Variants in COG4 observed in about 807,000 individuals in gnomAD.
COG4 encodes conserved oligomeric Golgi complex subunit 4.
Under a neutral mutation model 95.1 loss-of-function variants are expected in COG4, and 65 were observed. The observed-to-expected ratio is 0.68, with a 90% CI of 0.56 to 0.84. The LOEUF is 0.84. Among genes scored for constraint, COG4 ranks in the 40% least tolerant of loss-of-function variants. The pLI, the probability that COG4 is intolerant of heterozygous loss-of-function variation, is 0.00. For missense variants in COG4, 1,045 were observed against 989.1 expected (o/e 1.06, Z -0.76); for synonymous variants, 421 against 374.8 (o/e 1.12, Z -1.42).
chr16:70,510,709 T>C (rs2049683143), intron 5 of COG4, among the ~76,000 whole-genome samples: 1 of 152,114 alleles, frequency 6.6e-6, no homozygotes, highest in African/African-American at 2.4e-5. Context: ...GTAGAAGCCA[T>C]TTCTAGGTCC....
intron 11 of COG4, 87 bp from the exon 12 acceptor site, chr16:70,496,518 C>A: frequency 7.4e-7 from 1 of 1,347,724 alleles, no homozygotes; most frequent in African/African-American, 1.4e-5. Flanking sequence ...TCTGACCCAG[C>A]AGCACAAGGT....
At chr16:70,486,345 G>A (rs1263266670) in intron 13 of COG4, among the ~76,000 whole-genome samples, 1 of 152,182 alleles carries the variant, frequency 6.6e-6, no homozygotes, top group Non-Finnish European at 1.5e-5. Flanking sequence ...CTCCAGAGGG[G>A]AAGCAGAGTG....
chr16:70,481,513 C>G (rs780560866), intron 17 of COG4, 26 bp from the exon 18 acceptor site: 101 of 1,610,116 alleles, frequency 6.3e-5, no homozygotes, highest in Non-Finnish European at 8.4e-5. Flanking sequence ...AGCCCAGTCA[C>G]TACTTAGGCC....
At chr16:70,508,502 C>A in intron 7 of COG4, 38 bp from the exon 8 acceptor site, 14 of 1,572,694 alleles carry the variant, frequency 8.9e-6, no homozygotes, top group Non-Finnish European at 1.2e-5. Flanking sequence ...TTCTTCCCCA[C>A]CCCCACATCT....
chr16:70,485,399 T>A (rs1209482663), intron 13 of COG4, among the ~76,000 whole-genome samples: 1 of 151,546 alleles, frequency 6.6e-6, no homozygotes, highest in East Asian at 1.9e-4. Flanking sequence ...AGACAGGGTT[T>A]CACCATGTTG....
At chr16:70,508,164 C>T (rs1187338616) in intron 8 of COG4, among the ~76,000 whole-genome samples, 1 of 152,136 alleles carries the variant, frequency 6.6e-6, no homozygotes, top group African/African-American at 2.4e-5. Flanking sequence ...TGTGATCCGC[C>T]TGCCTTGGTC....
intron 7 of COG4, 47 bp downstream of exon 7, chr16:70,509,184 C>T: frequency 6.2e-7 from 1 of 1,611,672 alleles, no homozygotes; most frequent in South Asian, 1.1e-5. Flanking sequence ...CTCAGTGTTC[C>T]TCGCTAAAGC....
intron 7 of COG4, 101 bp from the exon 8 acceptor site, chr16:70,508,565 T>G (rs1316321899): frequency 1.2e-5 from 12 of 1,022,210 alleles, no homozygotes; most frequent in African/African-American, 3.2e-5. Flanking sequence ...ACATTTAGAT[T>G]TAGTTTGTTT....
rs757094984 is a variant in COG4 at position 70,508,395 on chromosome 16, A to G, written c.1061+11T>C. The G allele has an allele frequency of 9.3e-6, 15 of 1,611,628 alleles. No homozygotes were observed. Among genetic ancestry groups the G allele is most frequent in the Non-Finnish European group, 1.3e-5 (15 of 1,177,746 alleles). Reference sequence around the variant, plus strand: ...ACTCCTGTGGGCTGAAGAAGAGAGAAGGATTATTACCTTGGTTCGATTTTT... The same window carrying G: ...ACTCCTGTGGGCTGAAGAAGAGAGAGGGATTATTACCTTGGTTCGATTTTT... On this transcript the variant is annotated intron_variant, in intron 8 of 18. Coordinates refer to ENST00000323786, the MANE Select transcript of COG4 (RefSeq NM_015386.3).
rs781363283 is a variant in COG4, at chr16:70,523,402, C to A, written c.142G>T (p.Ala48Ser). 3 of 1,614,178 alleles carry A rather than the reference C, an allele frequency of 1.9e-6. No homozygotes were observed. Among genetic ancestry groups the A allele is most frequent in the Non-Finnish European group, 8.5e-7 (1 of 1,180,038 alleles). The change falls in exon 1 of 19, where the codon GCT becomes TCT. Residue 48 changes from alanine to serine, a missense_variant. Ala to Ser is a moderately conservative substitution (Grantham distance 99). Coordinates refer to ENST00000323786, the MANE Select transcript of COG4 (RefSeq NM_015386.3). ...TCGCCGCAGAGCCGTTCGTATACAG[C>A]CTCCAGCTCCTGCAGCTCTGTCAGG... ...RSLTELQELE[A>S]VYERLCGEEK...
At chr16:70,493,834 A>G (rs2049291629) in intron 12 of COG4, among the ~76,000 whole-genome samples, 1 of 152,074 alleles carries the variant, frequency 6.6e-6, no homozygotes, top group Non-Finnish European at 1.5e-5. Flanking sequence ...GGAGGGAGGA[A>G]ATAGAGGGCC....
chr16:70,511,762 G>C (rs984275925), intron 5 of COG4, among the ~76,000 whole-genome samples: 1 of 151,918 alleles, frequency 6.6e-6, no homozygotes, highest in African/African-American at 2.4e-5. Flanking sequence ...GAGAAACCCA[G>C]TCTCTACTAA....
intron 4 of COG4, among the ~76,000 whole-genome samples, chr16:70,512,958 A>C (rs2049742625): frequency 6.6e-6 from 1 of 152,242 alleles, no homozygotes; most frequent in African/African-American, 2.4e-5. Flanking sequence ...AGCCGGCAAA[A>C]GAGTGAGACT....
chr16:70,511,228 ATCCTCTGC>A (rs1307089071), intron 5 of COG4, among the ~76,000 whole-genome samples: 4 of 152,186 alleles, frequency 2.6e-5, no homozygotes, highest in Non-Finnish European at 5.9e-5. Flanking sequence ...TCCAAAAGAA[ATCCTCTGC>A]TTATACAAAT....
At chr16:70,514,596 T>C (rs1351417072) in intron 3 of COG4, 87 bp from the exon 4 acceptor site, 3 of 1,107,736 alleles carry the variant, frequency 2.7e-6, no homozygotes, top group Non-Finnish European at 4.1e-6. Flanking sequence ...GAGCTGAATC[T>C]GATCAACCAT....
At position 70,501,065 on chromosome 16, in the gene COG4, A is replaced by T; in HGVS notation, c.1088T>A (p.Val363Asp). Residue 363 changes from valine to aspartate, a missense_variant, in exon 9 of 19, where the codon GTC (valine) becomes GAC (aspartate). Transcript: ENST00000323786. ...CTCACTGCGGGCATTCATCAGGGTG[A>T]CCTCAGTCAGGATGGGGTCCAGTTC... ...PRELDPILTEVTLMNARSELY... is the reference protein window; with the variant it reads ...PRELDPILTEDTLMNARSELY... 1 of 1,613,800 alleles carries T rather than the reference A, an allele frequency of 6.2e-7. No homozygotes were observed. The highest frequency in any genetic ancestry group is 8.5e-7 in the Non-Finnish European group (1 of 1,179,978).
intron 2 of COG4, among the ~76,000 whole-genome samples, chr16:70,518,769 G>T (rs910932339): frequency 6.6e-6 from 1 of 152,152 alleles, no homozygotes; most frequent in African/African-American, 2.4e-5. Context: ...TTGAGGTCAG[G>T]AGTTTGAGAC....
chr16:70,513,054 AC>A (rs1286075027), intron 4 of COG4, among the ~76,000 whole-genome samples: 4 of 152,222 alleles, frequency 2.6e-5, no homozygotes, highest in Non-Finnish European at 5.9e-5. Flanking sequence ...GTGACATCCC[AC>A]CTCTCAAAGA....
chr16:70,504,083 C>G (rs992744040), intron 8 of COG4, among the ~76,000 whole-genome samples: 3 of 152,238 alleles, frequency 2.0e-5, no homozygotes, highest in African/African-American at 7.2e-5. Flanking sequence ...CCGCCATTTT[C>G]TAGCTGCATG....
Sources: allele counts gnomAD v4.1 joint callset (sites outside exome capture counted in the v4.1 genomes callset), GRCh38; gene constraint gnomAD v4.1.1; transcripts MANE v1.5; gene names NCBI Gene and HGNC (gene_info 2026-07-23, HGNC 2026-07-21).